SDK1: variants seen among roughly 807,000 people sequenced by gnomAD.
The protein encoded by SDK1 is sidekick cell adhesion molecule 1, also known as protein sidekick-1.
In SDK1, 157 loss-of-function variants were observed where a neutral mutation model predicts 245.5. The observed-to-expected ratio is 0.64, with a 90% confidence interval of 0.56 to 0.73. The LOEUF is 0.73. SDK1 is among the 30% of genes least tolerant of loss of function. The probability of loss-of-function intolerance (pLI) is 0.00; values close to 1 mark genes in which losing one functional copy is unlikely to be tolerated. For missense variants in SDK1, 3,583 were observed against 3,002.3 expected, an observed-to-expected ratio of 1.19 and a Z score of -4.52; for synonymous variants, 1,647 against 1,278.5, an observed-to-expected ratio of 1.29 and a Z score of -6.15.
At chr7:3,807,403 G>C (rs570734811) in intron 4 of SDK1, among the ~76,000 whole-genome samples, 20 of 152,136 alleles carry the variant, frequency 1.3e-4, no homozygotes, top group Non-Finnish European at 2.5e-4. Context: ...TCGCGCTCCC[G>C]GTAGATGGTA....
At chr7:3,746,332 G>A (rs1779619984) in intron 4 of SDK1, among the ~76,000 whole-genome samples, 1 of 152,192 alleles carries the variant, frequency 6.6e-6, no homozygotes, top group South Asian at 2.1e-4. Context: ...CCTCATTGGT[G>A]ATGGCTGCTG....
intron 5 of SDK1, among the ~76,000 whole-genome samples, chr7:3,824,873 T>G (rs1363984744): frequency 1.3e-5 from 2 of 152,194 alleles, no homozygotes; most frequent in Admixed American, 1.3e-4. Context: ...ATGGCATTAT[T>G]ATCTCTCAAC....
At chr7:4,130,219 A>G in intron 27 of SDK1, 122 bp downstream of exon 27, 1 of 1,148,912 alleles carries the variant, frequency 8.7e-7, no homozygotes, top group Non-Finnish European at 1.2e-6. Flanking sequence ...TTTGCAGTTG[A>G]GGGAAACAAA....
At chr7:3,726,527 A>G (rs570588049) in intron 4 of SDK1, among the ~76,000 whole-genome samples, 7 of 152,344 alleles carry the variant, frequency 4.6e-5, no homozygotes, top group Admixed American at 3.9e-4. Context: ...AGCACTTTCT[A>G]AAGTATTTGT....
intron 41 of SDK1, among the ~76,000 whole-genome samples, chr7:4,234,248 G>A (rs1319898260): frequency 6.6e-6 from 1 of 152,204 alleles, no homozygotes; most frequent in Non-Finnish European, 1.5e-5. Context: ...CCCAGGCTGG[G>A]CATTTCTTCA....
At chr7:3,886,722 C>G (rs1781347752) in intron 5 of SDK1, among the ~76,000 whole-genome samples, 1 of 152,122 alleles carries the variant, frequency 6.6e-6, no homozygotes, top group African/African-American at 2.4e-5. Context: ...CGACACCAGC[C>G]TGAGAAACAA....
intron 1 of SDK1, among the ~76,000 whole-genome samples, chr7:3,539,056 A>G (rs1424145148): frequency 2.0e-5 from 3 of 151,840 alleles, no homozygotes; most frequent in African/African-American, 7.3e-5. Flanking sequence ...TTTGTTGAAT[A>G]CTTTCTGCGA....
chr7:3,710,148 C>T (rs1785008598), intron 4 of SDK1, among the ~76,000 whole-genome samples: 1 of 152,182 alleles, frequency 6.6e-6, no homozygotes, highest in African/African-American at 2.4e-5. Context: ...TGATTCTCCT[C>T]TCATTTTTCA....
At chr7:3,834,857 T>G (rs2115079092) in intron 5 of SDK1, among the ~76,000 whole-genome samples, 1 of 152,246 alleles carries the variant, frequency 6.6e-6, no homozygotes, top group South Asian at 2.1e-4. Context: ...CTTTTTACCC[T>G]CCCTTTCCTG....
rs557448288 is a variant in SDK1, at chr7:3,482,971, T to G, written c.299-136109T>G. Among the ~76,000 whole-genome samples, 8 of 151,542 alleles carry G rather than the reference T, an allele frequency of 5.3e-5. No homozygotes were observed. In the South Asian group the frequency reaches 1.7e-3, roughly 31 times the overall value. On this transcript the variant is annotated intron_variant, in intron 1 of 44. Transcript: ENST00000404826. ...ATGATTTCAAGTCTTTTTAATTCTCTCCTATTAATTGATTTCTCTTGCTTT... is the reference window on the plus strand; with the variant it reads ...ATGATTTCAAGTCTTTTTAATTCTCGCCTATTAATTGATTTCTCTTGCTTT...
intron 5 of SDK1, among the ~76,000 whole-genome samples, chr7:3,924,639 T>A (rs1779706784): frequency 6.6e-6 from 1 of 152,174 alleles, no homozygotes; most frequent in Non-Finnish European, 1.5e-5. Context: ...GAAACAGCCC[T>A]TTTTCCTCGG....
intron 20 of SDK1, 69 bp downstream of exon 20, chr7:4,068,005 TCAAAC>T (rs1221853793): frequency 1.7e-6 from 2 of 1,146,458 alleles, no homozygotes; most frequent in Non-Finnish European, 2.6e-6. Flanking sequence ...GGCTGTCACT[TCAAAC>T]CAAACTGCTG....
chr7:3,804,334 G>A (rs1228398850), intron 4 of SDK1, among the ~76,000 whole-genome samples: 25 of 152,116 alleles, frequency 1.6e-4, no homozygotes, highest in Non-Finnish European at 4.4e-5. Flanking sequence ...TGGTACCATT[G>A]TTAAAAAGAC....
intron 4 of SDK1, among the ~76,000 whole-genome samples, chr7:3,803,336 A>T (rs528476208): frequency 1.3e-5 from 2 of 149,704 alleles, no homozygotes; most frequent in East Asian, 1.9e-4. Context: ...TTGGAAACAA[A>T]GTCTTACTCT....
chr7:3,715,533 G>C (rs1785175458), intron 4 of SDK1, among the ~76,000 whole-genome samples: 1 of 152,116 alleles, frequency 6.6e-6, no homozygotes, highest in Non-Finnish European at 1.5e-5. Flanking sequence ...TCCCACAGGA[G>C]GCAATAGCAG....
At chr7:3,907,109 T>G (rs569545580) in intron 5 of SDK1, among the ~76,000 whole-genome samples, 2 of 138,194 alleles carry the variant, frequency 1.4e-5, no homozygotes, top group Non-Finnish European at 3.1e-5. Flanking sequence ...TTTAAATATA[T>G]TCTCTCTTTT....
At chr7:3,445,713 C>T (rs962350877) in intron 1 of SDK1, among the ~76,000 whole-genome samples, 4 of 152,140 alleles carry the variant, frequency 2.6e-5, no homozygotes, top group Non-Finnish European at 5.9e-5. Flanking sequence ...CTGTTTATAA[C>T]TGTCTTACAT....
chr7:4,180,477 C>G (rs1384500156), intron 35 of SDK1, among the ~76,000 whole-genome samples: 2 of 149,388 alleles, frequency 1.3e-5, no homozygotes, highest in Middle Eastern at 3.3e-3. Flanking sequence ...TGCCCTGTGC[C>G]TGGCTCCAGC....
Position 4,118,924 on chromosome 7 carries a change from G to C in SDK1, c.3823+4650G>C, listed in dbSNP as rs548211992. On this transcript the variant is annotated intron_variant, in intron 25 of 44. Transcript: ENST00000404826. Reference sequence around the variant, plus strand: ...ATTCATGGTTTCCTAGACTAAGAGAGAGCATTTGAGAGGAATGGGAAGTGA... The same window carrying C: ...ATTCATGGTTTCCTAGACTAAGAGACAGCATTTGAGAGGAATGGGAAGTGA... 9.5e-4 allele frequency among the ~76,000 whole-genome samples: 142 copies of C among 148,708 alleles called. 7 individuals are homozygous for C. The highest frequency in any genetic ancestry group is 3.3e-3 in the African/African-American group (133 of 40,746).
Sources: gnomAD v4.1 joint callset for allele counts (sites outside exome capture counted in the v4.1 genomes callset) on GRCh38, gnomAD v4.1.1 for gene constraint, MANE v1.5 for transcripts, NCBI Gene and HGNC (gene_info 2026-07-23, HGNC 2026-07-21) for gene names.